Variants in PIEZO1 observed in about 807,000 individuals in gnomAD.
PIEZO1 encodes piezo type mechanosensitive ion channel component 1 (Er blood group).
Under a neutral mutation model 297.2 loss-of-function variants are expected in PIEZO1, and 296 were observed. The ratio of observed to expected loss-of-function variants is 1.00; its 90% confidence interval spans 0.91 to 1.10. The LOEUF is 1.10. Ranked by LOEUF, PIEZO1 falls within the 50% of genes least tolerant of loss-of-function variation. The probability of loss-of-function intolerance (pLI) is 0.00; values close to 1 mark genes in which losing one functional copy is unlikely to be tolerated. For synonymous variants in PIEZO1, 2,427 were observed against 1,507.5 expected, an observed-to-expected ratio of 1.61 and a Z score of -14.13; for missense variants, 5,018 against 3,455.5, an observed-to-expected ratio of 1.45 and a Z score of -11.34.
intron 21 of PIEZO1, 48 bp from the exon 22 acceptor site, chr16:88,731,958 G>GGGGGTGT (rs1310078896): frequency 2.0e-5 from 1 of 49,572 alleles, no homozygotes. Context: ...AGTCTGGGGG[G>GGGGGTGT]AGGGACTTTC....
At chr16:88,749,802 C>T (rs568966023) in intron 1 of PIEZO1, among the ~76,000 whole-genome samples, 6 of 152,206 alleles carry the variant, frequency 3.9e-5, no homozygotes, top group Admixed American at 2.0e-4. Flanking sequence ...CCAAGGCGGG[C>T]GGATCACTTG....
At chr16:88,762,059 G>A (rs1014246334) in intron 1 of PIEZO1, among the ~76,000 whole-genome samples, 1 of 152,210 alleles carries the variant, frequency 6.6e-6, no homozygotes, top group Non-Finnish European at 1.5e-5. Context: ...AGGTAAATAG[G>A]TGGGGGACAG....
chr16:88,726,382 G>C lies in PIEZO1; in HGVS notation c.3870C>G (p.Val1290=). The C allele has an allele frequency of 6.4e-7, 1 of 1,550,502 alleles. No individual in the cohort carries two copies. Among genetic ancestry groups the C allele is most frequent in the Non-Finnish European group, 8.7e-7 (1 of 1,146,928 alleles). ...GCTGCAGCAGCAGGAAGAAGAAGCA[G>C]ACGCTGTCCCAGATGATGCCAGCCT... is the stretch of plus-strand genomic sequence containing the variant. ...VEEAGIIWDS[V]CFFFLLLQRR... is the part of the protein sequence containing the mutation. Residue 1290 remains valine (V), a synonymous_variant, in exon 27 of 51, where the codon GTC becomes GTG. Transcript: ENST00000301015.
chr16:88,743,161 C>G (rs1248617070), intron 2 of PIEZO1: 3 of 455,558 alleles, frequency 6.6e-6, no homozygotes, highest in Non-Finnish European at 1.3e-5. Context: ...CTCAGCCCCC[C>G]AGCAGGGAGG....
At position 88,717,016 on chromosome 16, in the gene PIEZO1, T is replaced by C; in HGVS notation, c.6660+7A>G. ...GGGAATGGACAGGCGGACCCACACA[T>C]GCTCACCTCATAGCCGCCCAGCTTC... On this transcript the variant is annotated splice_region_variant and intron_variant, in intron 45 of 50. Coordinates refer to ENST00000301015, the MANE Select transcript of PIEZO1 (RefSeq NM_001142864.4). 6.5e-7 allele frequency: 1 copy of C among 1,550,284 alleles called. No individual in the cohort carries two copies. The highest frequency in any genetic ancestry group is 2.4e-5 in the East Asian group (1 of 40,920).
At chr16:88,739,173 C>T (rs1905465509) in intron 5 of PIEZO1, 1 of 166,320 alleles carries the variant, frequency 6.0e-6, no homozygotes, top group Non-Finnish European at 1.3e-5. Flanking sequence ...CCAGGGTCTC[C>T]TGTGTACCCC....
intron 1 of PIEZO1, among the ~76,000 whole-genome samples, chr16:88,765,649 G>A (rs544874464): frequency 3.8e-4 from 57 of 151,460 alleles, no homozygotes; most frequent in Non-Finnish European, 6.5e-4. Context: ...TCTCTAGAGA[G>A]CCCAAGTCGT....
At chr16:88,754,143 T>C (rs879307230) in intron 1 of PIEZO1, among the ~76,000 whole-genome samples, 10 of 152,216 alleles carry the variant, frequency 6.6e-5, no homozygotes, top group Admixed American at 5.9e-4. Flanking sequence ...ATCCAGCTCC[T>C]TGGGAAGCAG....
rs762635458 is a variant in PIEZO1, at chr16:88,723,324, G to A, written c.4340C>T (p.Ala1447Val). 128 of 1,537,770 alleles carry A rather than the reference G, an allele frequency of 8.3e-5. No homozygotes were observed. Among genetic ancestry groups the A allele is most frequent in the East Asian group, 1.7e-4 (7 of 40,920 alleles). Reference protein sequence around the residue: ...RPSAQSAFQLAYQAWVTNAQA... With the variant: ...RPSAQSAFQLVYQAWVTNAQA... Reference sequence around the variant, plus strand: ...GGCGTTGGTCACCCATGCCTGGTACGCCAGCTGTCGGCCAGCCCCCGGGTT... The same window carrying A: ...GGCGTTGGTCACCCATGCCTGGTACACCAGCTGTCGGCCAGCCCCCGGGTT... The change falls in exon 32 of 51, where the codon GCG becomes GTG. Residue 1447 changes from alanine to valine, a missense_variant. Ala to Val is a moderately conservative substitution (Grantham distance 64). Coordinates refer to ENST00000301015, the MANE Select transcript of PIEZO1 (RefSeq NM_001142864.4).
At chr16:88,722,509 G>C in intron 35 of PIEZO1, 74 bp downstream of exon 35, 1 of 1,427,244 alleles carries the variant, frequency 7.0e-7, no homozygotes, top group Non-Finnish European at 9.3e-7. Context: ...AGGGAATGGC[G>C]AGGGTCGGGG....
chr16:88,720,777 G>T (rs1465741152), intron 39 of PIEZO1, 29 bp from the exon 40 acceptor site: 14 of 1,456,814 alleles, frequency 9.6e-6, no homozygotes, highest in Non-Finnish European at 1.2e-5. Context: ...TTCTGCCTGG[G>T]CCCCCTGGGG....
At chr16:88,751,484 A>G (rs1906385658) in intron 1 of PIEZO1, among the ~76,000 whole-genome samples, 1 of 152,190 alleles carries the variant, frequency 6.6e-6, no homozygotes, top group Non-Finnish European at 1.5e-5. Context: ...GCCTCGGCTT[A>G]GCGCACACAT....
chr16:88,769,567 A>G (rs1907328605), intron 1 of PIEZO1, among the ~76,000 whole-genome samples: 1 of 152,184 alleles, frequency 6.6e-6, no homozygotes, highest in Non-Finnish European at 1.5e-5. Flanking sequence ...ACCACTGCAC[A>G]TGACCGGAGC....
chr16:88,743,414 C>T (rs1479313714), intron 2 of PIEZO1: 1 of 441,314 alleles, frequency 2.3e-6, no homozygotes, highest in African/African-American at 2.0e-5. Flanking sequence ...AACTCCTGCA[C>T]CACCAGCCAC....
Position 88,738,732 on chromosome 16 carries a change from T to C in PIEZO1, c.470A>G (p.Asp157Gly), listed in dbSNP as rs1264883016. 1.3e-6 allele frequency: 2 copies of C among 1,529,346 alleles called. No individual in the cohort carries two copies. Among genetic ancestry groups the C allele is most frequent in the African/African-American group, 2.7e-5 (2 of 72,920 alleles). The allele number at this position is 1,529,346 out of a possible 1,614,324, so 94.7% of individuals were successfully genotyped here. The change falls in exon 6 of 51, where the codon GAT (aspartate) becomes GGT (glycine). Residue 157 changes from aspartate to glycine, a missense_variant. Transcript: ENST00000301015. ...RQSPHPRELD[D>G]DERDVDASPT... ...GCTGGCATCCACATCCCTCTCATCA[T>C]CATCCTGCCAAGGTCACGGACAGGG...
intron 1 of PIEZO1, among the ~76,000 whole-genome samples, chr16:88,764,229 A>T (rs1422396860): frequency 6.6e-6 from 1 of 152,138 alleles, no homozygotes; most frequent in African/African-American, 2.4e-5. Context: ...GGTCTCGGCC[A>T]CAGGAGATGG....
chr16:88,732,880 G>C lies in PIEZO1; in HGVS notation c.2665-148C>G, dbSNP rs2340984. On this transcript the variant is annotated intron_variant, in intron 19 of 50. Coordinates refer to ENST00000301015, the MANE Select transcript of PIEZO1 (RefSeq NM_001142864.4). ...CTGCCAGCCTTGGAGCCACCTTCAC[G>C]GGGAAGGGGACCAGGTGTTTGAGAA... 9.2e-6 allele frequency: 7 copies of C among 760,060 alleles called. No homozygotes were observed. The East Asian group carries it at 1.9e-4, about 21-fold the overall frequency. 47.1% of individuals were successfully genotyped at this position (760,060 alleles called of 1,614,324 possible).
rs769998212 is a variant in PIEZO1, at chr16:88,741,486, G to A, written c.457C>T (p.Arg153Trp). The A allele has an allele frequency of 6.3e-5, 96 of 1,534,928 alleles. No individual in the cohort carries two copies. The highest frequency in any genetic ancestry group is 1.9e-4 in the South Asian group (16 of 84,038). Residue 153 changes from arginine to tryptophan, a missense_variant, in exon 5 of 51, where the codon CGG (arginine) becomes TGG (tryptophan). Transcript: ENST00000301015. ...ARNTRQSPHP[R>W]ELDDDERDVD... ...GACGCAGCTGCCCTCACCAGCTCCCGTGGATGTGGGCTCTGCCGGGTGTTC... is the reference window on the plus strand; with the variant it reads ...GACGCAGCTGCCCTCACCAGCTCCCATGGATGTGGGCTCTGCCGGGTGTTC...
intron 1 of PIEZO1, among the ~76,000 whole-genome samples, chr16:88,764,678 G>C (rs1907088605): frequency 6.6e-6 from 1 of 151,058 alleles, no homozygotes; most frequent in African/African-American, 2.4e-5. Flanking sequence ...TTGAACCTGG[G>C]AGCCTGGGAT....
Sources: gnomAD v4.1 joint callset for allele counts (sites outside exome capture counted in the v4.1 genomes callset) on GRCh38, gnomAD v4.1.1 for gene constraint, MANE v1.5 for transcripts, NCBI Gene and HGNC (gene_info 2026-07-23, HGNC 2026-07-21) for gene names.